Variants in ITSN2 observed in about 807,000 individuals in gnomAD.
The protein encoded by ITSN2 is intersectin 2.
Under a neutral mutation model 243.7 loss-of-function variants are expected in ITSN2, and 156 were observed. That is an observed-to-expected ratio of 0.64 (90% CI 0.56 to 0.73). ITSN2 has a LOEUF of 0.73. Among genes scored for constraint, ITSN2 ranks in the 30% least tolerant of loss-of-function variants. The pLI is 0.00. For synonymous variants in ITSN2, 703 were observed against 699.9 expected (o/e 1.00, Z -0.07); for missense variants, 1,801 against 1,996.1 (o/e 0.90, Z 1.86).
In ITSN2 at chr2:24,246,902, T is replaced by C; in HGVS notation, c.3289-9A>G. 6.4e-7 allele frequency: 1 copy of C among 1,568,612 alleles called. No homozygotes were observed. The highest frequency in any genetic ancestry group is 8.7e-7 in the Non-Finnish European group (1 of 1,143,314). On this transcript the variant is annotated splice_polypyrimidine_tract_variant and intron_variant, in intron 27 of 39. Transcript: ENST00000355123. Reference sequence around the variant, plus strand: ...CGCTTTTTTCCTCTGGCCTAAAAATTAGCAAAAGAAATACATAATTGAAAG... The same window carrying C: ...CGCTTTTTTCCTCTGGCCTAAAAATCAGCAAAAGAAATACATAATTGAAAG...
Position 24,284,693 on chromosome 2 carries a change from ATAGTC to A in ITSN2, c.1944+65_1944+69del, listed in dbSNP as rs1679238007. 10 of 877,158 alleles carry A rather than the reference ATAGTC, an allele frequency of 1.1e-5. No individual in the cohort carries two copies. The Admixed American group carries it at 1.2e-4, about 10-fold the overall frequency. The allele number at this position is 877,158 out of a possible 1,614,324, so 54.3% of individuals were successfully genotyped here. A position where few individuals can be genotyped will look rare whatever the true frequency, so the allele number is the denominator to read the frequency against. ...AAAGATACTCAGATAAAGGCAAAGA[ATAGTC>A]TAGTTTTAAAAAAATAAAACAGCAA... On this transcript the variant is annotated intron_variant, in intron 17 of 39. Coordinates refer to ENST00000355123, the MANE Select transcript of ITSN2 (RefSeq NM_006277.3).
intron 1 of ITSN2, among the ~76,000 whole-genome samples, chr2:24,345,555 TTTA>T (rs1195968515): frequency 6.6e-6 from 1 of 152,146 alleles, no homozygotes; most frequent in Non-Finnish European, 1.5e-5. Flanking sequence ...TAGATCAAAA[TTTA>T]TTTTTTAATA....
Position 24,246,253 on chromosome 2 carries a change from T to C in ITSN2, c.3453A>G (p.Gly1151=). The C allele has an allele frequency of 6.2e-7, 1 of 1,612,978 alleles. No homozygotes were observed. Among genetic ancestry groups the C allele is most frequent in the African/African-American group, 1.3e-5 (1 of 75,000 alleles). Residue 1151 remains glycine, a synonymous_variant, in exon 29 of 40, where the codon GGA becomes GGG. Transcript: ENST00000355123. ...CTTTGTTCATAACATTAATGAGTTG[T>C]CCCTTGGAGAAACTGAGCTCATCTT... ...NNEDELSFSK[G]QLINVMNKDD...
rs1264059750 is a variant in ITSN2, at chr2:24,337,333, T to C, written c.-33-9218A>G. Among the ~76,000 whole-genome samples the C allele has an allele frequency of 3.2e-3, 346 of 107,768 alleles. 30 individuals are homozygous for C. Among genetic ancestry groups the C allele is most frequent in the Middle Eastern group, 4.0e-3 (1 of 248 alleles). 70.7% of individuals were successfully genotyped at this position (107,768 alleles called of 152,430 possible). ...TACACAAAATATATATATATATATA[T>C]ATATATATATATATATATATGTAAT... On this transcript the variant is annotated intron_variant, in intron 1 of 39. Coordinates refer to ENST00000355123, the MANE Select transcript of ITSN2 (RefSeq NM_006277.3).
chr2:24,217,859 T>TG (rs1670113595), intron 31 of ITSN2, 48 bp downstream of exon 31: 1 of 1,330,208 alleles, frequency 7.5e-7, no homozygotes, highest in East Asian at 2.3e-5. Context: ...AGTCTCAGTC[T>TG]GGGGGCTTTG....
intron 4 of ITSN2, among the ~76,000 whole-genome samples, chr2:24,313,082 CTT>C (rs11442221): frequency 1.2e-3 from 166 of 133,992 alleles, no homozygotes; most frequent in African/African-American, 4.2e-3. Flanking sequence ...GAAGAAATAC[CTT>C]TTTTTTTTTT....
chr2:24,303,957 G>A (rs1558589751), intron 8 of ITSN2, 95 bp from the exon 9 acceptor site: 3 of 861,096 alleles, frequency 3.5e-6, no homozygotes, highest in Non-Finnish European at 3.9e-6. Context: ...AATGCTACCA[G>A]GGTATCCTGG....
rs1188269412 is a variant in ITSN2, at chr2:24,211,501, T to G, written c.4090-554A>C. ...GATTTCAAACGACGCATGCTGCAAC[T>G]GTGAACGCGCAGAGGCCAGAATACA... On this transcript the variant is annotated intron_variant, in intron 33 of 39. Transcript: ENST00000355123. The surrounding 1 kb of genome is among the most constrained non-coding windows in gnomAD (Gnocchi z 4.1). Among the ~76,000 whole-genome samples the G allele has an allele frequency of 1.3e-5, 2 of 152,236 alleles. No homozygotes were observed. The highest frequency in any genetic ancestry group is 2.9e-5 in the Non-Finnish European group (2 of 68,044).
Position 24,242,927 on chromosome 2 carries a change from C to T in ITSN2, c.3577+3202G>A, listed in dbSNP as rs569116647. 7.2e-5 allele frequency among the ~76,000 whole-genome samples: 11 copies of T among 152,244 alleles called. No homozygotes were observed. The South Asian group carries it at 2.3e-3, about 32-fold the overall frequency. Reference sequence around the variant, plus strand: ...GTAATAGGTAAGTTACTGGTAATAACTTTATAACAAAGAGAAATTCGAAAC... The same window carrying T: ...GTAATAGGTAAGTTACTGGTAATAATTTTATAACAAAGAGAAATTCGAAAC... On this transcript the variant is annotated intron_variant, in intron 29 of 39. Coordinates refer to ENST00000355123, the MANE Select transcript of ITSN2 (RefSeq NM_006277.3).
intron 11 of ITSN2, among the ~76,000 whole-genome samples, chr2:24,300,457 C>T (rs906353229): frequency 6.6e-6 from 1 of 152,132 alleles, no homozygotes; most frequent in Admixed American, 6.5e-5. Context: ...GTGGCTCATG[C>T]CTGTAATCCC....
intron 17 of ITSN2, among the ~76,000 whole-genome samples, chr2:24,283,933 G>C (rs917298889): frequency 6.6e-6 from 1 of 152,196 alleles, no homozygotes. Context: ...TAACCATAAA[G>C]GCTAAAATAT....
rs763594277 is a variant in ITSN2 at position 24,246,878 on chromosome 2, G to C, written c.3304C>G (p.Arg1102Gly). 8.7e-6 allele frequency: 14 copies of C among 1,611,178 alleles called. No individual in the cohort carries two copies. The highest frequency in any genetic ancestry group is 1.2e-5 in the Non-Finnish European group (14 of 1,178,444). Residue 1102 changes from arginine to glycine, a missense_variant, in exon 28 of 40, where the codon CGA (arginine) becomes GGA (glycine). By Grantham distance (125) the Arg-to-Gly change is moderately radical (BLOSUM62 -2). This residue lies in a region of ITSN2 where 928 missense variants were observed against 1,065.4 expected (regional missense o/e 0.87). Transcript: ENST00000355123. ...CTGGCAGGAAACCATCCTTTCTGTC[G>C]CTTTTTTCCTCTGGCCTAAAAATTA... ...QGELQARGKK[R>G]QKGWFPASHV... is the part of the protein sequence containing the mutation.
intron 31 of ITSN2, among the ~76,000 whole-genome samples, chr2:24,217,276 T>C (rs1440793995): frequency 6.6e-6 from 1 of 152,082 alleles, no homozygotes; most frequent in Non-Finnish European, 1.5e-5. Flanking sequence ...CTTGGGTGTT[T>C]CAAGGCCTTT....
intron 1 of ITSN2, among the ~76,000 whole-genome samples, chr2:24,342,156 A>G (rs1191674133): frequency 6.6e-6 from 1 of 152,088 alleles, no homozygotes; most frequent in Admixed American, 6.5e-5. Flanking sequence ...CAGAAGAAAG[A>G]GCGATTGAGA....
chr2:24,304,877 T>C (rs1682284355), intron 8 of ITSN2, among the ~76,000 whole-genome samples: 1 of 152,040 alleles, frequency 6.6e-6, no homozygotes, highest in African/African-American at 2.4e-5. Context: ...ACAGAGTATC[T>C]TACTTACTAA....
At chr2:24,303,701 T>A (rs1682103119) in intron 9 of ITSN2, 98 bp downstream of exon 9, 1 of 858,786 alleles carries the variant, frequency 1.2e-6, no homozygotes, top group Admixed American at 1.9e-5. Context: ...AGTCACAAAC[T>A]TTTACAGAAA....
intron 1 of ITSN2, among the ~76,000 whole-genome samples, chr2:24,356,596 G>T (rs1688472343): frequency 1.3e-5 from 2 of 152,034 alleles, no homozygotes; most frequent in South Asian, 4.1e-4. Context: ...CAACATCACT[G>T]ATCATCAGAG....
chr2:24,282,826 C>G (rs888095102), intron 17 of ITSN2, among the ~76,000 whole-genome samples: 7 of 152,288 alleles, frequency 4.6e-5, no homozygotes, highest in African/African-American at 1.7e-4. Context: ...CATTCATAAC[C>G]ATCTTCTCCC....
At chr2:24,318,344 C>T (rs1362379891) in intron 2 of ITSN2, among the ~76,000 whole-genome samples, 2 of 152,128 alleles carry the variant, frequency 1.3e-5, no homozygotes, top group African/African-American at 2.4e-5. Context: ...CGGGGTCTCA[C>T]TATGCTGCCA....
Sources: gnomAD v4.1 joint callset for allele counts (sites outside exome capture counted in the v4.1 genomes callset) on GRCh38, gnomAD v4.1.1 for gene constraint, gnomAD v4.1.1 regional missense constraint, Gnocchi (gnomAD v3.1) non-coding constraint, MANE v1.5 for transcripts, NCBI Gene and HGNC (gene_info 2026-07-23, HGNC 2026-07-21) for gene names.